RTN1: variants seen among roughly 807,000 people sequenced by gnomAD.
RTN1 encodes the protein reticulon-1.
RTN1 carries 25 observed loss-of-function variants against 65.5 expected under a neutral mutation model. The ratio of observed to expected loss-of-function variants is 0.38; its 90% confidence interval spans 0.28 to 0.53. The LOEUF (loss-of-function observed/expected upper bound fraction) is 0.53. Among genes scored for constraint, RTN1 ranks in the 20% least tolerant of loss-of-function variants. The probability of loss-of-function intolerance (pLI) is 0.79; values close to 1 mark genes in which losing one functional copy is unlikely to be tolerated. For missense variants in RTN1, 983 were observed against 1,025.4 expected (o/e 0.96, Z 0.57); for synonymous variants, 471 against 447.6 (o/e 1.05, Z -0.66).
At position 59,606,829 on chromosome 14, in the gene RTN1, T is replaced by C. The variant is rs935993988; in HGVS notation, c.1973+456A>G. ...TGAACCCTGCACCCCCACCAGAAGG[T>C]TGGCCCTTTGGTGTTAAACTTCTAG... On this transcript the variant is annotated intron_variant, in intron 4 of 8. Coordinates refer to ENST00000267484, the MANE Select transcript of RTN1 (RefSeq NM_021136.3). Among the ~76,000 whole-genome samples, 4 of 152,136 alleles carry C rather than the reference T, an allele frequency of 2.6e-5. No individual in the cohort carries two copies. The South Asian group carries it at 6.2e-4, about 24-fold the overall frequency.
intron 2 of RTN1, among the ~76,000 whole-genome samples, chr14:59,732,991 C>G (rs763335446): frequency 6.6e-6 from 1 of 151,914 alleles, no homozygotes; most frequent in Non-Finnish European, 1.5e-5. Context: ...CTCCAGCCTG[C>G]GGGCTTTGAA....
intron 3 of RTN1, among the ~76,000 whole-genome samples, chr14:59,645,164 C>A (rs1333391654): frequency 6.6e-6 from 1 of 151,704 alleles, no homozygotes; most frequent in Non-Finnish European, 1.5e-5. Flanking sequence ...AGATTTACAA[C>A]TACCCTCGCC....
At chr14:59,627,745 G>C (rs1226279839) in intron 3 of RTN1, among the ~76,000 whole-genome samples, 1 of 152,192 alleles carries the variant, frequency 6.6e-6, no homozygotes, top group Non-Finnish European at 1.5e-5. Flanking sequence ...CCTTCTGCAT[G>C]TGCACTACAG....
rs1160512482 is a variant in RTN1, at chr14:59,825,210, T to C, written c.241+45180A>G. ...GCCAATAGCACCCGAGTCATGTCTA[T>C]TAAAAATGTCTCCAGACATTGACAA... On this transcript the variant is annotated intron_variant, in intron 1 of 8. Transcript: ENST00000267484. This position sits in a 1 kb window ranked among gnomAD's most constrained non-coding sequence, Gnocchi z 4.2. 3.9e-5 allele frequency among the ~76,000 whole-genome samples: 6 copies of C among 152,218 alleles called. No individual in the cohort carries two copies. The highest frequency in any genetic ancestry group is 1.2e-4 in the African/African-American group (5 of 41,450).
In RTN1 at chr14:59,870,552, C is replaced by T. The variant is rs1344712808; in HGVS notation, c.79G>A (p.Glu27Lys). 4.9e-5 allele frequency: 71 copies of T among 1,455,176 alleles called. No individual in the cohort carries two copies. Among genetic ancestry groups the T allele is most frequent in the East Asian group, 1.2e-4 (4 of 32,746 alleles). The allele number at this position is 1,455,176 out of a possible 1,614,324, so 90.1% of individuals were successfully genotyped here. A position where few individuals can be genotyped will look rare whatever the true frequency, so the allele number is the denominator to read the frequency against. ...GGCGTCACCGCTTCGTTCTCCCCCTCCCCCCGGTGCCTGAGCCACTGGGAC... is the reference window on the plus strand; with the variant it reads ...GGCGTCACCGCTTCGTTCTCCCCCTTCCCCCGGTGCCTGAGCCACTGGGAC... ...PGSQWLRHRG[E>K]GENEAVTPKG... Residue 27 changes from glutamate to lysine, a missense_variant, in exon 1 of 9, where the codon GAG (glutamate) becomes AAG (lysine). Physicochemically the swap from Glu to Lys is moderately conservative, Grantham distance 56. This residue lies in a region of RTN1 where 818 missense variants were observed against 801.8 expected (regional missense o/e 1.02). Transcript: ENST00000267484. The surrounding 1 kb of genome is among the most constrained non-coding windows in gnomAD (Gnocchi z 5.1).
intron 3 of RTN1, among the ~76,000 whole-genome samples, chr14:59,678,536 C>A (rs1883677131): frequency 1.3e-5 from 2 of 152,198 alleles, no homozygotes; most frequent in Non-Finnish European, 2.9e-5. Context: ...CTACCTTGTG[C>A]CTCATCCTTT....
At chr14:59,663,162 G>C (rs909027081) in intron 3 of RTN1, among the ~76,000 whole-genome samples, 1 of 152,128 alleles carries the variant, frequency 6.6e-6, no homozygotes, top group African/African-American at 2.4e-5. Context: ...ACAAGCAGTG[G>C]GGAAAGGATT....
chr14:59,607,708 A>C, intron 3 of RTN1: 1 of 572,312 alleles, frequency 1.7e-6, no homozygotes. Flanking sequence ...TAATTCACAA[A>C]TTCACATATA....
At chr14:59,685,638 G>A (rs928359045) in intron 3 of RTN1, among the ~76,000 whole-genome samples, 18 of 152,006 alleles carry the variant, frequency 1.2e-4, no homozygotes, top group African/African-American at 3.9e-4. Context: ...ACTAAAGACT[G>A]TAAAACATTG....
At chr14:59,858,872 AAATG>A (rs1312259749) in intron 1 of RTN1, among the ~76,000 whole-genome samples, 2 of 152,258 alleles carry the variant, frequency 1.3e-5, no homozygotes, top group Non-Finnish European at 2.9e-5. Context: ...ATTCAGTAAA[AAATG>A]AAGAAGATAA....
At chr14:59,817,046 A>G (rs1886833449) in intron 1 of RTN1, among the ~76,000 whole-genome samples, 1 of 152,304 alleles carries the variant, frequency 6.6e-6, no homozygotes, top group Middle Eastern at 3.4e-3. Context: ...ACAGAAGAAT[A>G]AGAGAGGGAA....
intron 3 of RTN1, among the ~76,000 whole-genome samples, chr14:59,646,120 A>G (rs1289870836): frequency 6.6e-6 from 1 of 152,248 alleles, no homozygotes; most frequent in Non-Finnish European, 1.5e-5. Context: ...AAAAGAACTC[A>G]TCTGATAGAG....
At chr14:59,840,433 T>G (rs778130963) in intron 1 of RTN1, among the ~76,000 whole-genome samples, 1 of 152,214 alleles carries the variant, frequency 6.6e-6, no homozygotes, top group East Asian at 1.9e-4. Flanking sequence ...TTTTTTCAGT[T>G]GTGTGATCTT....
At chr14:59,711,666 A>G (rs1197593975) in intron 3 of RTN1, among the ~76,000 whole-genome samples, 2 of 152,242 alleles carry the variant, frequency 1.3e-5, no homozygotes, top group African/African-American at 4.8e-5. Context: ...AGCACTAGAG[A>G]TACAGCAGTG....
intron 1 of RTN1, among the ~76,000 whole-genome samples, chr14:59,760,504 A>T (rs1233990279): frequency 3.3e-5 from 5 of 152,222 alleles, no homozygotes; most frequent in Admixed American, 2.0e-4. Context: ...TTAAAACTTT[A>T]ATTTCATTTA....
intron 3 of RTN1, among the ~76,000 whole-genome samples, chr14:59,664,517 G>A (rs1365147851): frequency 1.3e-5 from 2 of 151,904 alleles, no homozygotes; most frequent in African/African-American, 4.8e-5. Flanking sequence ...TGCATCTGAG[G>A]CAACTAACAT....
intron 1 of RTN1, among the ~76,000 whole-genome samples, chr14:59,856,602 A>C (rs1186812625): frequency 1.3e-5 from 2 of 151,872 alleles, no homozygotes; most frequent in African/African-American, 4.8e-5. Flanking sequence ...GCAGATCACC[A>C]CTCCTACTGC....
intron 2 of RTN1, among the ~76,000 whole-genome samples, chr14:59,743,583 C>T (rs1364275357): frequency 6.6e-6 from 1 of 152,218 alleles, no homozygotes; most frequent in African/African-American, 2.4e-5. Flanking sequence ...CAAGACGTAT[C>T]TAATCCACCT....
chr14:59,661,212 C>T (rs1883237845), intron 3 of RTN1, among the ~76,000 whole-genome samples: 1 of 128,874 alleles, frequency 7.8e-6, no homozygotes, highest in Non-Finnish European at 1.6e-5. Flanking sequence ...CCTGAACAGA[C>T]CAATATCAAG....
Sources: gnomAD v4.1 joint callset for allele counts (sites outside exome capture counted in the v4.1 genomes callset) on GRCh38, gnomAD v4.1.1 for gene constraint, gnomAD v4.1.1 regional missense constraint, Gnocchi (gnomAD v3.1) non-coding constraint, MANE v1.5 for transcripts, NCBI Gene and HGNC (gene_info 2026-07-23, HGNC 2026-07-21) for gene names.